FAM107B: variants seen among roughly 807,000 people sequenced by gnomAD.
The protein encoded by FAM107B is protein FAM107B.
Under a neutral mutation model 31.5 loss-of-function variants are expected in FAM107B, and 21 were observed. That is an observed-to-expected ratio of 0.67 (90% CI 0.47 to 0.96). The LOEUF is 0.96. Ranked by LOEUF, FAM107B falls within the 40% of genes least tolerant of loss-of-function variation. The pLI is 0.00. For synonymous variants in FAM107B, 157 were observed against 141.5 expected, an observed-to-expected ratio of 1.11 and a Z score of -0.78; for missense variants, 452 against 377.1, an observed-to-expected ratio of 1.20 and a Z score of -1.64.
Position 14,737,955 on chromosome 10 carries a change from C to T in FAM107B, c.411+36298G>A, listed in dbSNP as rs144015751. Among the ~76,000 whole-genome samples, 395 of 152,214 alleles carry T rather than the reference C, an allele frequency of 2.6e-3. 2 individuals carry two copies. The highest frequency in any genetic ancestry group is 8.6e-3 in the African/African-American group (358 of 41,508). ...CAACATGTATTCATGGATAAAAACTCGGTCTCTAGGCGTTTCATTCCCCCG... is the reference window on the plus strand; with the variant it reads ...CAACATGTATTCATGGATAAAAACTTGGTCTCTAGGCGTTTCATTCCCCCG... On this transcript the variant is annotated intron_variant, in intron 1 of 4. Transcript: ENST00000181796.
intron 2 of FAM107B, among the ~76,000 whole-genome samples, chr10:14,643,554 C>T (rs1853681512): frequency 6.6e-6 from 1 of 151,902 alleles, no homozygotes; most frequent in African/African-American, 2.4e-5. Flanking sequence ...GGACTACAGA[C>T]ACATGCCACC....
chr10:14,670,515 T>C (rs1854514656), intron 1 of FAM107B, among the ~76,000 whole-genome samples: 1 of 152,212 alleles, frequency 6.6e-6, no homozygotes, highest in African/African-American at 2.4e-5. Flanking sequence ...GGAATTATTT[T>C]ATAATACAGC....
intron 2 of FAM107B, among the ~76,000 whole-genome samples, chr10:14,647,354 T>C (rs372916082): frequency 6.6e-6 from 1 of 152,158 alleles, no homozygotes; most frequent in South Asian, 2.1e-4. Flanking sequence ...AACCAACTGG[T>C]AGGCAGAGAC....
chr10:14,728,980 G>T (rs576466951), intron 1 of FAM107B, among the ~76,000 whole-genome samples: 1 of 152,198 alleles, frequency 6.6e-6, no homozygotes, highest in Non-Finnish European at 1.5e-5. Flanking sequence ...AACTCTTCAA[G>T]TTAGATAGAT....
At position 14,601,002 on chromosome 10, in the gene FAM107B, A is replaced by G. The variant is rs562596620; in HGVS notation, c.469+66632T>C. Among the ~76,000 whole-genome samples, 86 of 152,308 alleles carry G rather than the reference A, an allele frequency of 5.6e-4. 1 individual carries two copies. The highest frequency in any genetic ancestry group is 3.4e-3 in the Middle Eastern group (1 of 294). On this transcript the variant is annotated intron_variant, in intron 2 of 4. Transcript: ENST00000181796. ...GGCTGGTCTCACACTCCTGGCCTCA[A>G]GCAGTCCTCCTGCTTCAGCCTCCCA... is the stretch of plus-strand genomic sequence containing the variant.
intron 1 of FAM107B, among the ~76,000 whole-genome samples, chr10:14,764,045 C>A (rs1163364136): frequency 6.6e-6 from 1 of 152,188 alleles, no homozygotes; most frequent in African/African-American, 2.4e-5. Context: ...CCTTTCTTCC[C>A]ACCTTGAGCT....
In FAM107B at chr10:14,635,155, G is replaced by A. The variant is rs182680087; in HGVS notation, c.469+32479C>T. Among the ~76,000 whole-genome samples, 136 of 149,678 alleles carry A rather than the reference G, an allele frequency of 9.1e-4. 2 individuals carry two copies. Among genetic ancestry groups the A allele is most frequent in the Non-Finnish European group, 1.9e-4 (13 of 67,260 alleles). Reference sequence around the variant, plus strand: ...GAAGGAAGGGAGGGAGGGAGGGAGGGGAAGAAAAAGAAACAAACCTCAGTT... The same window carrying A: ...GAAGGAAGGGAGGGAGGGAGGGAGGAGAAGAAAAAGAAACAAACCTCAGTT... On this transcript the variant is annotated intron_variant, in intron 2 of 4. Coordinates refer to ENST00000181796, the MANE Select transcript of FAM107B (RefSeq NM_031453.4).
At chr10:14,757,921 T>C (rs1832961470) in intron 1 of FAM107B, among the ~76,000 whole-genome samples, 1 of 152,150 alleles carries the variant, frequency 6.6e-6, no homozygotes, top group Non-Finnish European at 1.5e-5. Context: ...GTTTTTTTCT[T>C]GGAGGGACAA....
chr10:14,648,551 A>G lies in FAM107B; in HGVS notation c.469+19083T>C, dbSNP rs555270816. Among the ~76,000 whole-genome samples, 13 of 152,338 alleles carry G rather than the reference A, an allele frequency of 8.5e-5. No homozygotes were observed. In the South Asian group the frequency reaches 2.1e-3, roughly 24 times the overall value. ...ACACTGGGAAAAGCCCAGCTTTTCC[A>G]GCAGACACCGAAGAGCCAATGATAC... On this transcript the variant is annotated intron_variant, in intron 2 of 4. Transcript: ENST00000181796.
At chr10:14,686,581 C>T (rs1854994541) in intron 1 of FAM107B, among the ~76,000 whole-genome samples, 1 of 152,138 alleles carries the variant, frequency 6.6e-6, no homozygotes, top group Admixed American at 6.5e-5. Context: ...CCTGTAGAAC[C>T]TTTCAGAATG....
chr10:14,745,924 G>A (rs529214662), intron 1 of FAM107B, among the ~76,000 whole-genome samples: 7 of 152,176 alleles, frequency 4.6e-5, no homozygotes, highest in Admixed American at 2.6e-4. Flanking sequence ...TTATTATTGC[G>A]TAGGAGTCTA....
chr10:14,605,425 G>A (rs1390501684), intron 2 of FAM107B, among the ~76,000 whole-genome samples: 2 of 152,180 alleles, frequency 1.3e-5, no homozygotes, highest in African/African-American at 4.8e-5. Flanking sequence ...TAGATCAAAA[G>A]CTTTTTAACT....
intron 2 of FAM107B, among the ~76,000 whole-genome samples, chr10:14,636,867 A>G (rs753762381): frequency 6.6e-6 from 1 of 152,160 alleles, no homozygotes; most frequent in Non-Finnish European, 1.5e-5. Flanking sequence ...TTGATGGCCC[A>G]TGCAGCTTTA....
intron 1 of FAM107B, among the ~76,000 whole-genome samples, chr10:14,715,985 A>T (rs184844912): frequency 6.6e-6 from 1 of 152,240 alleles, no homozygotes; most frequent in Admixed American, 6.5e-5. Flanking sequence ...CTCCTTATAA[A>T]TCTACATTTA....
At chr10:14,708,652 A>G (rs1394967334) in intron 1 of FAM107B, among the ~76,000 whole-genome samples, 1 of 152,224 alleles carries the variant, frequency 6.6e-6, no homozygotes, top group Non-Finnish European at 1.5e-5. Context: ...CATTAAAGTT[A>G]AAAATTTCTG....
intron 2 of FAM107B, among the ~76,000 whole-genome samples, chr10:14,551,100 T>G (rs1055034218): frequency 6.6e-6 from 1 of 152,206 alleles, no homozygotes; most frequent in East Asian, 1.9e-4. Context: ...AATGAGACAA[T>G]TCTTTTAAAA....
rs139439372 is a variant in FAM107B at position 14,745,745 on chromosome 10, C to T, written c.411+28508G>A. On this transcript the variant is annotated intron_variant, in intron 1 of 4. Transcript: ENST00000181796. ...ATTATGTGGTTGATTTTAGTGAGTG[C>T]CATGTGTTGCTGAGAAGAATGTATA... 2.3e-3 allele frequency among the ~76,000 whole-genome samples: 350 copies of T among 152,008 alleles called. 1 individual carries two copies. Among genetic ancestry groups the T allele is most frequent in the African/African-American group, 8.0e-3 (330 of 41,498 alleles).
intron 1 of FAM107B, among the ~76,000 whole-genome samples, chr10:14,713,013 A>G (rs1855688392): frequency 6.6e-6 from 1 of 152,142 alleles, no homozygotes; most frequent in African/African-American, 2.4e-5. Flanking sequence ...CTGAGCCTTC[A>G]GGGTGACCCT....
At chr10:14,530,260 T>C in intron 3 of FAM107B, 72 bp downstream of exon 3, 2 of 1,433,414 alleles carry the variant, frequency 1.4e-6, no homozygotes, top group Non-Finnish European at 9.5e-7. Context: ...CCTCTGTAAA[T>C]ACAATTAAAA....
Sources: allele counts gnomAD v4.1 joint callset (sites outside exome capture counted in the v4.1 genomes callset), GRCh38; gene constraint gnomAD v4.1.1; transcripts MANE v1.5; gene names NCBI Gene and HGNC (gene_info 2026-07-23, HGNC 2026-07-21).